FMN2: variants seen among roughly 807,000 people sequenced by gnomAD.
FMN2 encodes the protein formin 2, also known as formin-2.
FMN2 carries 51 observed loss-of-function variants against 142.3 expected under a neutral mutation model. The ratio of observed to expected loss-of-function variants is 0.36; its 90% CI spans 0.29 to 0.45. The LOEUF (loss-of-function observed/expected upper bound fraction) is 0.45. Among genes scored for constraint, FMN2 ranks in the 20% least tolerant of loss-of-function variants. The pLI is 1.00. For synonymous variants in FMN2, 882 were observed against 869.8 expected, an observed-to-expected ratio of 1.01 and a Z score of -0.25; for missense variants, 1,936 against 2,122.8, an observed-to-expected ratio of 0.91 and a Z score of 1.73.
At chr1:240,248,022 C>G (rs1414143961) in intron 6 of FMN2, among the ~76,000 whole-genome samples, 1 of 151,938 alleles carries the variant, frequency 6.6e-6, no homozygotes, top group Non-Finnish European at 1.5e-5. Context: ...TATGCTCACC[C>G]TCCTCTATCA....
chr1:240,194,864 T>A (rs1665853791), intron 4 of FMN2, among the ~76,000 whole-genome samples: 1 of 152,222 alleles, frequency 6.6e-6, no homozygotes, highest in Non-Finnish European at 1.5e-5. Context: ...GAATCTTTGT[T>A]AGAATTTAAG....
At position 240,372,779 on chromosome 1, in the gene FMN2, G is replaced by T. The variant is rs189464537; in HGVS notation, c.4858+16871G>T. ...TAAAGCAAGTCACATGCATTTTGGG[G>T]GTTCCCAGTGCATATAACAGTTACA... On this transcript the variant is annotated intron_variant, in intron 14 of 17. Coordinates refer to ENST00000319653, the MANE Select transcript of FMN2 (RefSeq NM_020066.5). Among the ~76,000 whole-genome samples the T allele has an allele frequency of 1.4e-3, 207 of 151,792 alleles. 1 individual carries two copies. The highest frequency in any genetic ancestry group is 4.7e-3 in the African/African-American group (193 of 41,372).
intron 2 of FMN2, among the ~76,000 whole-genome samples, chr1:240,146,940 A>G (rs1235790610): frequency 1.4e-5 from 2 of 140,504 alleles, no homozygotes; most frequent in East Asian, 2.1e-4. Context: ...TAAAGAACTA[A>G]TGGTGGATGA....
intron 6 of FMN2, among the ~76,000 whole-genome samples, chr1:240,246,842 T>A (rs1238606085): frequency 1.3e-5 from 2 of 152,216 alleles, no homozygotes; most frequent in Non-Finnish European, 2.9e-5. Context: ...TTTTTTCTGA[T>A]TATAAGTTCT....
chr1:240,453,119 A>C (rs2103213095), intron 16 of FMN2, among the ~76,000 whole-genome samples: 1 of 152,336 alleles, frequency 6.6e-6, no homozygotes, highest in Admixed American at 6.5e-5. Flanking sequence ...GGAGACACAG[A>C]GTATAAAACA....
At chr1:240,424,856 C>T (rs139070961) in intron 15 of FMN2, among the ~76,000 whole-genome samples, 1 of 152,302 alleles carries the variant, frequency 6.6e-6, no homozygotes, top group East Asian at 1.9e-4. Flanking sequence ...GCTTCTAATA[C>T]GTAGTCAAAA....
chr1:240,156,600 T>A (rs1423819641), intron 2 of FMN2, among the ~76,000 whole-genome samples: 1 of 152,160 alleles, frequency 6.6e-6, no homozygotes, highest in Admixed American at 6.5e-5. Context: ...AGGGATTTTT[T>A]CTCTCCAACA....
intron 2 of FMN2, chr1:240,144,268 C>T (rs547105201): frequency 6.2e-7 from 1 of 1,602,284 alleles, no homozygotes; most frequent in African/African-American, 1.3e-5. Flanking sequence ...AGGCCAGGTT[C>T]ATGCGGGCAG....
At chr1:240,192,301 T>C (rs1038188888) in intron 4 of FMN2, among the ~76,000 whole-genome samples, 1 of 152,112 alleles carries the variant, frequency 6.6e-6, no homozygotes. Flanking sequence ...AAACAAAGTT[T>C]GAAGAGCAAA....
intron 1 of FMN2, among the ~76,000 whole-genome samples, chr1:240,105,797 G>A (rs1661586500): frequency 1.3e-5 from 2 of 152,080 alleles, no homozygotes; most frequent in African/African-American, 4.8e-5. Context: ...TTATTTAAAT[G>A]TAAAGTTTAT....
chr1:240,313,236 T>C (rs868623868), intron 8 of FMN2, among the ~76,000 whole-genome samples: 1 of 152,226 alleles, frequency 6.6e-6, no homozygotes, highest in African/African-American at 2.4e-5. Flanking sequence ...TGCTTCCTTT[T>C]TCTCCCATCC....
chr1:240,362,318 GT>G (rs1344582747), intron 14 of FMN2, among the ~76,000 whole-genome samples: 3 of 152,124 alleles, frequency 2.0e-5, no homozygotes, highest in Non-Finnish European at 4.4e-5. Context: ...TGATGGTTTT[GT>G]TTTTGTGCAT....
At chr1:240,121,686 G>GC (rs1228986483) in intron 1 of FMN2, among the ~76,000 whole-genome samples, 1 of 131,668 alleles carries the variant, frequency 7.6e-6, no homozygotes, top group Non-Finnish European at 1.5e-5. Flanking sequence ...ACCGCGCCTG[G>GC]CCCAGTGTCT....
chr1:240,394,710 G>A (rs1673713915), intron 15 of FMN2, among the ~76,000 whole-genome samples: 1 of 152,200 alleles, frequency 6.6e-6, no homozygotes, highest in African/African-American at 2.4e-5. Context: ...GCTCAAGCCT[G>A]TAATCCTAGC....
chr1:240,184,236 C>CTTTTTTTTT lies in FMN2; in HGVS notation c.1931-3955_1931-3947dup, dbSNP rs34050336. ...AACTTTTTAAAATGGAATATTTAAC[C>CTTTTTTTTT]TTTTTTTTTTTTTTTTTTTTTTTTG... On this transcript the variant is annotated intron_variant, in intron 3 of 17. Transcript: ENST00000319653. 2.6e-3 allele frequency among the ~76,000 whole-genome samples: 210 copies of CTTTTTTTTT among 79,450 alleles called. 6 individuals are homozygous for CTTTTTTTTT. The highest frequency in any genetic ancestry group is 5.0e-3 in the African/African-American group (101 of 20,014). The allele number at this position is 79,450 out of a possible 152,430, so 52.1% of individuals were successfully genotyped here.
chr1:240,454,247 G>A (rs1247632772), intron 16 of FMN2, among the ~76,000 whole-genome samples: 3 of 152,034 alleles, frequency 2.0e-5, no homozygotes, highest in African/African-American at 7.2e-5. Context: ...TCTTCATTAA[G>A]ATATGGCTTT....
At chr1:240,175,438 A>C (rs544744705) in intron 2 of FMN2, among the ~76,000 whole-genome samples, 8 of 152,292 alleles carry the variant, frequency 5.3e-5, no homozygotes, top group Admixed American at 1.3e-4. Flanking sequence ...ATTTTACGGT[A>C]TCACTAATAG....
At chr1:240,442,292 C>T (rs974573686) in intron 16 of FMN2, among the ~76,000 whole-genome samples, 3 of 152,162 alleles carry the variant, frequency 2.0e-5, no homozygotes, top group African/African-American at 4.8e-5. Context: ...TTTCCATATC[C>T]ATCTGCAAAA....
intron 16 of FMN2, among the ~76,000 whole-genome samples, chr1:240,445,946 C>G (rs1675794550): frequency 6.6e-6 from 1 of 152,184 alleles, no homozygotes; most frequent in Non-Finnish European, 1.5e-5. Flanking sequence ...ATTTGCTGTT[C>G]ACAGGCTCCT....
Sources: gnomAD v4.1 joint callset for allele counts (sites outside exome capture counted in the v4.1 genomes callset) on GRCh38, gnomAD v4.1.1 for gene constraint, MANE v1.5 for transcripts, NCBI Gene and HGNC (gene_info 2026-07-23, HGNC 2026-07-21) for gene names.